PRDM5: variants seen among roughly 807,000 people sequenced by gnomAD.
PRDM5 encodes the protein PR/SET domain 5, also known as PR domain zinc finger protein 5.
In PRDM5, 56 loss-of-function variants were observed where a neutral mutation model predicts 81.2. That is an observed-to-expected ratio of 0.69 (90% CI 0.56 to 0.86). PRDM5 has a LOEUF of 0.86. PRDM5 is among the 40% of genes least tolerant of loss of function. The probability of loss-of-function intolerance (pLI) is 0.00; values close to 1 mark genes in which losing one functional copy is unlikely to be tolerated. For missense variants in PRDM5, 697 were observed against 770.1 expected (o/e 0.91, Z 1.12); for synonymous variants, 267 against 256.4 (o/e 1.04, Z -0.39).
chr4:120,797,295 A>G (rs1751470862), intron 10 of PRDM5, among the ~76,000 whole-genome samples: 1 of 152,188 alleles, frequency 6.6e-6, no homozygotes, highest in South Asian at 2.1e-4. Flanking sequence ...AGGTGTATAT[A>G]CTATTACATA....
At chr4:120,724,029 A>G (rs1265374075) in intron 14 of PRDM5, among the ~76,000 whole-genome samples, 2 of 149,774 alleles carry the variant, frequency 1.3e-5, no homozygotes, top group Admixed American at 6.7e-5. Flanking sequence ...ATCCATCACC[A>G]AAGGTAAATT....
intron 2 of PRDM5, among the ~76,000 whole-genome samples, chr4:120,865,807 A>G (rs1373521089): frequency 6.6e-6 from 1 of 152,066 alleles, no homozygotes; most frequent in Non-Finnish European, 1.5e-5. Context: ...TCTCACTCAA[A>G]CCTGGTCTTG....
At chr4:120,916,926 C>G (rs1724240284) in intron 1 of PRDM5, among the ~76,000 whole-genome samples, 2 of 152,230 alleles carry the variant, frequency 1.3e-5, no homozygotes, top group South Asian at 4.1e-4. Context: ...CAGTAGAATC[C>G]TAACTCTCCC....
chr4:120,745,914 C>T (rs1225957120), intron 14 of PRDM5, among the ~76,000 whole-genome samples: 7 of 149,296 alleles, frequency 4.7e-5, no homozygotes, highest in Non-Finnish European at 3.0e-5. Context: ...CCTTTCTTCA[C>T]AGAATTGGAA....
chr4:120,781,452 C>T, intron 11 of PRDM5, 149 bp from the exon 12 acceptor site: 2 of 733,276 alleles, frequency 2.7e-6, no homozygotes, highest in African/African-American at 1.8e-5. Flanking sequence ...AATTCCAGTT[C>T]CATTATTTGC....
At chr4:120,707,785 G>A (rs1007899491) in intron 15 of PRDM5, among the ~76,000 whole-genome samples, 4 of 151,998 alleles carry the variant, frequency 2.6e-5, no homozygotes, top group African/African-American at 9.7e-5. Context: ...TCATATATCT[G>A]ATAAGAGCCT....
intron 14 of PRDM5, among the ~76,000 whole-genome samples, chr4:120,719,885 G>C (rs1463600774): frequency 6.6e-6 from 1 of 152,076 alleles, no homozygotes; most frequent in African/African-American, 2.4e-5. Flanking sequence ...TTCTGCATCA[G>C]GGGTTTTGTC....
chr4:120,748,514 T>C (rs776250889), intron 14 of PRDM5, among the ~76,000 whole-genome samples: 1 of 151,900 alleles, frequency 6.6e-6, no homozygotes, highest in Non-Finnish European at 1.5e-5. Context: ...TTGTGGTGCA[T>C]GCCTGTAGTC....
intron 8 of PRDM5, among the ~76,000 whole-genome samples, chr4:120,802,708 G>A (rs1244942753): frequency 5.9e-5 from 9 of 152,142 alleles, no homozygotes; most frequent in Non-Finnish European, 1.2e-4. Context: ...CCATCTGTAC[G>A]TCACCATCAT....
At chr4:120,783,938 CAACT>C (rs1283089011) in intron 11 of PRDM5, among the ~76,000 whole-genome samples, 3 of 152,062 alleles carry the variant, frequency 2.0e-5, no homozygotes, top group Non-Finnish European at 1.5e-5. Context: ...TCTGTATAAC[CAACT>C]GTCAAAATTA....
chr4:120,745,946 T>C (rs1159491049), intron 14 of PRDM5, among the ~76,000 whole-genome samples: 1 of 150,326 alleles, frequency 6.7e-6, no homozygotes, highest in Non-Finnish European at 1.5e-5. Context: ...AAAGTTCATA[T>C]GGAACCAAAA....
At chr4:120,808,907 G>A (rs771184653) in intron 8 of PRDM5, among the ~76,000 whole-genome samples, 9 of 152,328 alleles carry the variant, frequency 5.9e-5, no homozygotes, top group South Asian at 2.1e-4. Context: ...ACGCTGGCCC[G>A]CAAGCGCCGC....
chr4:120,820,648 T>A (rs1755138516), intron 4 of PRDM5, among the ~76,000 whole-genome samples: 1 of 152,156 alleles, frequency 6.6e-6, no homozygotes, highest in African/African-American at 2.4e-5. Flanking sequence ...CAGGCTTCTG[T>A]GATCAGAACA....
chr4:120,824,152 T>G (rs1335154142), intron 3 of PRDM5, among the ~76,000 whole-genome samples: 2 of 152,174 alleles, frequency 1.3e-5, no homozygotes, highest in African/African-American at 4.8e-5. Flanking sequence ...AGGTATTCCT[T>G]TATAGCAACA....
At chr4:120,752,921 A>G (rs1485152316) in intron 14 of PRDM5, among the ~76,000 whole-genome samples, 1 of 152,214 alleles carries the variant, frequency 6.6e-6, no homozygotes, top group Non-Finnish European at 1.5e-5. Context: ...CATCTTAACT[A>G]TCTGTATTAT....
chr4:120,896,462 A>G (rs934126033), intron 2 of PRDM5: 1 of 152,140 alleles, frequency 6.6e-6, no homozygotes, highest in African/African-American at 2.4e-5. Context: ...CTTCATTCGC[A>G]TTTCAAGCAG....
At chr4:120,699,972 A>AAATAAATAAATAAATAAAT (rs1560893583) in intron 15 of PRDM5, among the ~76,000 whole-genome samples, 1 of 86,880 alleles carries the variant, frequency 1.2e-5, no homozygotes, top group East Asian at 7.7e-4. Flanking sequence ...AATAAATAAA[A>AAATAAATAAATAAATAAAT]AGCCCAAATA....
intron 14 of PRDM5, among the ~76,000 whole-genome samples, chr4:120,746,038 C>A (rs1742944443): frequency 6.8e-6 from 1 of 146,140 alleles, no homozygotes; most frequent in African/African-American, 2.6e-5. Context: ...AACTATACTA[C>A]AAGGCTACAG....
chr4:120,824,158 C>T (rs556026247), intron 3 of PRDM5, among the ~76,000 whole-genome samples: 71 of 152,298 alleles, frequency 4.7e-4, no homozygotes, highest in Admixed American at 1.1e-3. Context: ...TCCTTTATAG[C>T]AACACAAATG....
Sources: gnomAD v4.1 joint callset for allele counts (sites outside exome capture counted in the v4.1 genomes callset) on GRCh38, gnomAD v4.1.1 for gene constraint, MANE v1.5 for transcripts, NCBI Gene and HGNC (gene_info 2026-07-23, HGNC 2026-07-21) for gene names.